PRDM10: variants seen among roughly 807,000 people sequenced by gnomAD.
PRDM10 encodes the protein PR domain zinc finger protein 10.
Under a neutral mutation model 133.1 loss-of-function variants are expected in PRDM10, and 65 were observed. That is an observed-to-expected ratio of 0.49 (90% CI 0.40 to 0.60). The LOEUF (loss-of-function observed/expected upper bound fraction) is 0.60. PRDM10 is among the 20% of genes least tolerant of loss of function. The pLI is 0.00. For missense variants in PRDM10, 1,137 were observed against 1,507.1 expected (o/e 0.75, Z 4.07); for synonymous variants, 582 against 580.4 (o/e 1.00, Z -0.04).
chr11:129,960,783 G>T, intron 2 of PRDM10, 113 bp downstream of exon 2: 1 of 1,071,086 alleles, frequency 9.3e-7, no homozygotes, highest in Non-Finnish European at 1.4e-6. Context: ...AGTTCTTCAT[G>T]TCGGCTCCTA....
At chr11:129,948,457 C>T (rs1156278877) in intron 4 of PRDM10, among the ~76,000 whole-genome samples, 3 of 152,202 alleles carry the variant, frequency 2.0e-5, no homozygotes, top group African/African-American at 4.8e-5. Context: ...ATGCCTCCAG[C>T]CCTCCCTGAG....
At chr11:129,970,514 A>G (rs185256861) in intron 1 of PRDM10, among the ~76,000 whole-genome samples, 3 of 151,184 alleles carry the variant, frequency 2.0e-5, no homozygotes, top group African/African-American at 7.3e-5. Flanking sequence ...AAATGACTCC[A>G]CTAATGAACC....
chr11:129,975,388 G>A (rs991668871), intron 1 of PRDM10, among the ~76,000 whole-genome samples: 11 of 151,480 alleles, frequency 7.3e-5, no homozygotes, highest in Non-Finnish European at 1.6e-4. Flanking sequence ...TCATGCCATT[G>A]CACTCCAGCC....
intron 4 of PRDM10, among the ~76,000 whole-genome samples, chr11:129,951,612 T>C (rs1297647153): frequency 6.6e-6 from 1 of 152,238 alleles, no homozygotes; most frequent in Non-Finnish European, 1.5e-5. Flanking sequence ...TAATTATTTC[T>C]GAAAGGACAT....
chr11:129,931,347 G>C (rs1422608297), intron 10 of PRDM10, 89 bp from the exon 11 acceptor site: 13 of 1,463,652 alleles, frequency 8.9e-6, no homozygotes, highest in Non-Finnish European at 1.2e-5. Flanking sequence ...AGAATGACTA[G>C]ATTCATAATA....
intron 1 of PRDM10, among the ~76,000 whole-genome samples, chr11:129,997,707 T>C (rs115008998): frequency 0.016 from 2,501 of 152,368 alleles, 47 homozygotes; most frequent in African/African-American, 0.042. Flanking sequence ...TAGCTGATTA[T>C]GCTTAGCTCA....
intron 1 of PRDM10, among the ~76,000 whole-genome samples, chr11:129,984,598 G>A (rs558285683): frequency 5.9e-5 from 9 of 152,048 alleles, no homozygotes; most frequent in East Asian, 3.9e-4. Context: ...AAAATCCAGC[G>A]CTCCCCCACA....
At chr11:129,909,996 T>C (rs1175974310) in intron 19 of PRDM10, among the ~76,000 whole-genome samples, 2 of 152,228 alleles carry the variant, frequency 1.3e-5, no homozygotes, top group East Asian at 3.8e-4. Context: ...ACTTATCTTA[T>C]AGGTTGTTGT....
chr11:129,903,884 T>A (rs1385731406), intron 20 of PRDM10, among the ~76,000 whole-genome samples: 1 of 152,102 alleles, frequency 6.6e-6, no homozygotes, highest in Non-Finnish European at 1.5e-5. Context: ...AAAATGGACA[T>A]TAAATTAGTG....
At chr11:129,928,425 C>T (rs1264242241) in intron 11 of PRDM10, among the ~76,000 whole-genome samples, 1 of 152,032 alleles carries the variant, frequency 6.6e-6, no homozygotes, top group Non-Finnish European at 1.5e-5. Flanking sequence ...GGTCTCACTC[C>T]ATTGCCCAGG....
At chr11:129,994,940 A>C (rs1376433267) in intron 1 of PRDM10, among the ~76,000 whole-genome samples, 1 of 152,216 alleles carries the variant, frequency 6.6e-6, no homozygotes, top group Non-Finnish European at 1.5e-5. Flanking sequence ...GGCGTGAGCC[A>C]CTGCGCCTGG....
At chr11:129,994,177 A>C (rs1482640782) in intron 1 of PRDM10, among the ~76,000 whole-genome samples, 1 of 152,120 alleles carries the variant, frequency 6.6e-6, no homozygotes, top group Admixed American at 6.5e-5. Flanking sequence ...TATAAGTATG[A>C]AAATAAACTG....
Position 129,957,821 on chromosome 11 carries a change from T to A in PRDM10, c.159A>T (p.Ala53=), listed in dbSNP as rs776348859. Residue 53 remains alanine, a synonymous_variant, in exon 3 of 21, where the codon GCA becomes GCT. Transcript: ENST00000360871. ...CCACTGATGTGTAGGAGGCACCATC[T>A]GCCGTGTACACCACCTGCTGTGGGG... is the stretch of plus-strand genomic sequence containing the variant. The part of the protein sequence containing the change: ...VRPPQQVVYT[A]DGASYTSVDG... 1.9e-6 allele frequency: 3 copies of A among 1,614,244 alleles called. No individual in the cohort carries two copies. The East Asian group carries it at 6.7e-5, about 36-fold the overall frequency.
chr11:129,979,777 C>T (rs1408700146), intron 1 of PRDM10, among the ~76,000 whole-genome samples: 4 of 152,304 alleles, frequency 2.6e-5, no homozygotes, highest in Non-Finnish European at 4.4e-5. Flanking sequence ...TTCCTGGCCT[C>T]GGATTCTGCC....
intron 20 of PRDM10, among the ~76,000 whole-genome samples, chr11:129,903,477 T>C (rs542024414): frequency 2.0e-5 from 3 of 152,320 alleles, no homozygotes; most frequent in African/African-American, 7.2e-5. Flanking sequence ...CATTTAGCTT[T>C]ATGAAAACTT....
At chr11:129,917,308 C>T in intron 14 of PRDM10, 71 bp from the exon 15 acceptor site, 1 of 1,130,394 alleles carries the variant, frequency 8.8e-7, no homozygotes, top group Non-Finnish European at 1.3e-6. Flanking sequence ...ACGAATGCCT[C>T]TGATAATGAC....
intron 17 of PRDM10, 58 bp from the exon 18 acceptor site, chr11:129,912,283 A>C: frequency 7.2e-7 from 1 of 1,392,402 alleles, no homozygotes; most frequent in Admixed American, 2.3e-5. Context: ...AGTTAAGGGA[A>C]ATCCTTCCAG....
Position 129,937,731 on chromosome 11 carries a change from T to C in PRDM10, c.967-61A>G, listed in dbSNP as rs559744726. On this transcript the variant is annotated intron_variant, in intron 7 of 20. Coordinates refer to ENST00000360871, the MANE Select transcript of PRDM10 (RefSeq NM_199437.2). The stretch of plus-strand genomic sequence containing the variant: ...CATCACCAGATGTTCTTTGCATGCT[T>C]AAATTATTTCTCCTGCTTACAGGAA... The C allele has an allele frequency of 1.9e-5, 27 of 1,431,370 alleles. No homozygotes were observed. In the South Asian group the frequency reaches 2.5e-4, roughly 14 times the overall value. The allele number at this position is 1,431,370 out of a possible 1,614,324, so 88.7% of individuals were successfully genotyped here.
intron 1 of PRDM10, among the ~76,000 whole-genome samples, chr11:129,978,954 T>A (rs543170468): frequency 1.3e-5 from 2 of 152,318 alleles, no homozygotes; most frequent in East Asian, 3.9e-4. Flanking sequence ...AAGGGGCTCC[T>A]GCCATTCACT....
Sources: allele counts gnomAD v4.1 joint callset (sites outside exome capture counted in the v4.1 genomes callset), GRCh38; gene constraint gnomAD v4.1.1; transcripts MANE v1.5; gene names NCBI Gene and HGNC (gene_info 2026-07-23, HGNC 2026-07-21).